Variants in ARHGAP18 observed in about 807,000 individuals in gnomAD.
The protein encoded by ARHGAP18 is rho GTPase-activating protein 18.
In ARHGAP18, 67 loss-of-function variants were observed where a neutral mutation model predicts 86.2. That is an observed-to-expected ratio of 0.78 (90% CI 0.64 to 0.95). The LOEUF (loss-of-function observed/expected upper bound fraction) is 0.95, where lower values mean the gene tolerates loss of function less well. Ranked by LOEUF, ARHGAP18 falls within the 40% of genes least tolerant of loss-of-function variation. The pLI, the probability that ARHGAP18 is intolerant of heterozygous loss-of-function variation, is 0.00. For synonymous variants in ARHGAP18, 283 were observed against 280.4 expected (o/e 1.01, Z -0.09); for missense variants, 691 against 780.4 (o/e 0.89, Z 1.37).
intron 4 of ARHGAP18, among the ~76,000 whole-genome samples, chr6:129,633,696 C>CT (rs1773265536): frequency 1.3e-5 from 2 of 152,130 alleles, no homozygotes; most frequent in Non-Finnish European, 2.9e-5. Context: ...CTTCACAGCT[C>CT]TAAGCCTCAG....
chr6:129,681,956 C>G (rs1039987278), intron 1 of ARHGAP18, among the ~76,000 whole-genome samples: 1 of 152,180 alleles, frequency 6.6e-6, no homozygotes, highest in Non-Finnish European at 1.5e-5. Context: ...CAAGTAATGT[C>G]CTTTCACTCC....
chr6:129,588,548 C>T (rs1270442724), intron 12 of ARHGAP18, among the ~76,000 whole-genome samples: 1 of 152,234 alleles, frequency 6.6e-6, no homozygotes, highest in Non-Finnish European at 1.5e-5. Flanking sequence ...TACAGACCCC[C>T]TCCCGGCTGC....
At chr6:129,642,827 GT>G (rs1231399347) in intron 1 of ARHGAP18, among the ~76,000 whole-genome samples, 1 of 152,056 alleles carries the variant, frequency 6.6e-6, no homozygotes, top group Non-Finnish European at 1.5e-5. Context: ...TAAGTTTGCT[GT>G]TATAATCTAC....
chr6:129,625,892 T>C (rs1455426255), intron 5 of ARHGAP18, among the ~76,000 whole-genome samples: 3 of 88,066 alleles, frequency 3.4e-5, no homozygotes, highest in Non-Finnish European at 6.4e-5. Flanking sequence ...ATATATTATA[T>C]ATTATATATT....
chr6:129,651,912 C>T (rs1470533135), intron 1 of ARHGAP18, among the ~76,000 whole-genome samples: 2 of 152,166 alleles, frequency 1.3e-5, no homozygotes, highest in African/African-American at 4.8e-5. Flanking sequence ...GGAGGGGATT[C>T]ATGCTCTTAT....
intron 12 of ARHGAP18, chr6:129,598,920 AGGTAGG>A (rs1049165250): frequency 5.2e-6 from 1 of 190,550 alleles, no homozygotes. Flanking sequence ...CGAGAGGTAG[AGGTAGG>A]GGTAGGGGTG....
intron 1 of ARHGAP18, among the ~76,000 whole-genome samples, chr6:129,643,143 T>C (rs79487282): frequency 0.02 from 3,008 of 152,238 alleles, 63 homozygotes; most frequent in Non-Finnish European, 0.025. Context: ...TTATTATTTA[T>C]AGAGAAGACC....
intron 1 of ARHGAP18, among the ~76,000 whole-genome samples, chr6:129,677,415 T>A (rs972719538): frequency 6.6e-6 from 1 of 152,098 alleles, no homozygotes; most frequent in Non-Finnish European, 1.5e-5. Context: ...AAATTGCTTT[T>A]GTTGACTAAT....
In ARHGAP18 at chr6:129,611,654, A is replaced by T. The variant is rs113861037; in HGVS notation, c.1045-44T>A. Reference sequence around the variant, plus strand: ...ACATTCTAATTTCCGTATTTGTAACAGGTACAATTCCGAATTTAACATCTG... The same window carrying T: ...ACATTCTAATTTCCGTATTTGTAACTGGTACAATTCCGAATTTAACATCTG... On this transcript the variant is annotated intron_variant, in intron 7 of 14. Transcript: ENST00000368149. The T allele has an allele frequency of 2.6e-6, 4 of 1,539,764 alleles. No homozygotes were observed. The African/African-American group carries it at 5.5e-5, about 21-fold the overall frequency.
chr6:129,679,286 A>C (rs1774285446), intron 1 of ARHGAP18, among the ~76,000 whole-genome samples: 1 of 152,234 alleles, frequency 6.6e-6, no homozygotes, highest in Non-Finnish European at 1.5e-5. Context: ...TCATCTGGAC[A>C]GTTATTATTC....
At chr6:129,625,510 TATCA>T (rs1435866244) in intron 5 of ARHGAP18, among the ~76,000 whole-genome samples, 109 of 49,578 alleles carry the variant, frequency 2.2e-3, no homozygotes, top group African/African-American at 5.9e-3. Context: ...ATATTTTATA[TATCA>T]TATATATTAT....
At chr6:129,608,183 A>G in intron 8 of ARHGAP18, 131 bp from the exon 9 acceptor site, 1 of 1,115,444 alleles carries the variant, frequency 9.0e-7, no homozygotes, top group Middle Eastern at 3.1e-4. Flanking sequence ...TCAGACTACC[A>G]AAAGTCAATA....
At chr6:129,606,459 C>T (rs4422639) in intron 9 of ARHGAP18, among the ~76,000 whole-genome samples, 14,109 of 152,090 alleles carry the variant, frequency 0.093, 903 homozygotes, top group Middle Eastern at 0.18. Flanking sequence ...AATTAGAAAA[C>T]GAAGCAGCAG....
At chr6:129,631,811 TAAG>T (rs1406431321) in intron 4 of ARHGAP18, among the ~76,000 whole-genome samples, 1 of 149,624 alleles carries the variant, frequency 6.7e-6, no homozygotes. Flanking sequence ...CAAAAGAAAA[TAAG>T]AAGCTATACA....
chr6:129,608,922 T>C (rs1273081679), intron 8 of ARHGAP18, among the ~76,000 whole-genome samples: 1 of 151,116 alleles, frequency 6.6e-6, no homozygotes, highest in Admixed American at 6.6e-5. Flanking sequence ...ATTTTTGTAA[T>C]TGATGAAATA....
At position 129,657,501 on chromosome 6, in the gene ARHGAP18, T is replaced by C. The variant is rs530564012; in HGVS notation, c.114-15483A>G. 2.0e-5 allele frequency among the ~76,000 whole-genome samples: 3 copies of C among 151,222 alleles called. No homozygotes were observed. The South Asian group carries it at 6.3e-4, about 32-fold the overall frequency. ...AGGAGCAATTTCTCCAATGGAATCA[T>C]CTAAACTCAAGTATTTCAAGAGACA... On this transcript the variant is annotated intron_variant, in intron 1 of 14. Transcript: ENST00000368149.
chr6:129,605,839 C>G, intron 10 of ARHGAP18, 38 bp downstream of exon 10: 1 of 1,547,518 alleles, frequency 6.5e-7, no homozygotes, highest in East Asian at 2.2e-5. Context: ...ACTGTGCTTA[C>G]TTCTAAGGGA....
intron 8 of ARHGAP18, among the ~76,000 whole-genome samples, chr6:129,608,627 G>A (rs1788907758): frequency 6.6e-6 from 1 of 152,164 alleles, no homozygotes; most frequent in Non-Finnish European, 1.5e-5. Flanking sequence ...GCAAAAAACA[G>A]TCTGAGTCCA....
intron 1 of ARHGAP18, among the ~76,000 whole-genome samples, chr6:129,683,407 C>A (rs1562723568): frequency 6.6e-6 from 1 of 152,136 alleles, no homozygotes; most frequent in Non-Finnish European, 1.5e-5. Context: ...AAGGAACCAG[C>A]ACAGGGTTGT....
Sources: gnomAD v4.1 joint callset for allele counts (sites outside exome capture counted in the v4.1 genomes callset) on GRCh38, gnomAD v4.1.1 for gene constraint, MANE v1.5 for transcripts, NCBI Gene and HGNC (gene_info 2026-07-23, HGNC 2026-07-21) for gene names.